The following MVB12B variants were observed in gnomAD, a reference collection of about 807,000 sequenced individuals.
The protein encoded by MVB12B is ESCRT-I complex subunit MVB12B.
MVB12B carries 16 observed loss-of-function variants against 41.6 expected under a neutral mutation model. The observed-to-expected ratio is 0.38, with a 90% CI of 0.26 to 0.58. The LOEUF is 0.58. Ranked by LOEUF, MVB12B falls within the 20% of genes least tolerant of loss-of-function variation. The pLI, the probability that MVB12B is intolerant of heterozygous loss-of-function variation, is 0.62. For synonymous variants in MVB12B, 133 were observed against 139.7 expected (o/e 0.95, Z 0.34); for missense variants, 274 against 380.2 (o/e 0.72, Z 2.32).
At chr9:126,495,253 G>T (rs1833807360) in intron 9 of MVB12B, among the ~76,000 whole-genome samples, 1 of 151,820 alleles carries the variant, frequency 6.6e-6, no homozygotes, top group Non-Finnish European at 1.5e-5. Context: ...TTATTCAGTG[G>T]CCAGGGCATC....
rs1352575788 is a variant in MVB12B, at chr9:126,385,267, C to T, written c.313-1295C>T. Among the ~76,000 whole-genome samples, 3 of 152,150 alleles carry T rather than the reference C, an allele frequency of 2.0e-5. No individual in the cohort carries two copies. The South Asian group carries it at 6.2e-4, about 32-fold the overall frequency. Reference sequence around the variant, plus strand: ...GCTAGGCTTGTATTTATAGTAGGAACAGAGATAGTTTTGGTCTTCATGGTT... The same window carrying T: ...GCTAGGCTTGTATTTATAGTAGGAATAGAGATAGTTTTGGTCTTCATGGTT... On this transcript the variant is annotated intron_variant, in intron 3 of 9. Coordinates refer to ENST00000361171, the MANE Select transcript of MVB12B (RefSeq NM_033446.3).
chr9:126,350,050 A>T (rs959813567), intron 2 of MVB12B, among the ~76,000 whole-genome samples: 2 of 152,200 alleles, frequency 1.3e-5, no homozygotes, highest in African/African-American at 2.4e-5. Flanking sequence ...GCATAGTGAT[A>T]ATTCATTTGG....
At chr9:126,329,175 G>T (rs1829061298) in intron 1 of MVB12B, among the ~76,000 whole-genome samples, 2 of 152,146 alleles carry the variant, frequency 1.3e-5, no homozygotes, top group Non-Finnish European at 2.9e-5. Flanking sequence ...TGACTCTCAG[G>T]CTACCTCCTG....
intron 6 of MVB12B, among the ~76,000 whole-genome samples, chr9:126,418,335 T>G (rs1831887480): frequency 6.6e-6 from 1 of 152,170 alleles, no homozygotes; most frequent in African/African-American, 2.4e-5. Context: ...GCCCCTTGAT[T>G]TCTCTGTTGT....
chr9:126,435,735 G>A (rs926533361), intron 7 of MVB12B, among the ~76,000 whole-genome samples: 30 of 150,802 alleles, frequency 2.0e-4, no homozygotes, highest in African/African-American at 7.1e-4. Flanking sequence ...GAAGTCCCCT[G>A]TCCCTGAGCT....
At chr9:126,383,698 G>A (rs1448442913) in intron 3 of MVB12B, among the ~76,000 whole-genome samples, 2 of 152,016 alleles carry the variant, frequency 1.3e-5, no homozygotes, top group African/African-American at 4.8e-5. Flanking sequence ...GAACAGATGG[G>A]GGAGGGGAGA....
At chr9:126,465,161 T>A (rs532039314) in intron 7 of MVB12B, among the ~76,000 whole-genome samples, 2 of 152,326 alleles carry the variant, frequency 1.3e-5, no homozygotes, top group African/African-American at 4.8e-5. Flanking sequence ...TTAGTGAGAT[T>A]TATACATTGC....
At chr9:126,378,611 T>G (rs1464106217) in intron 2 of MVB12B, among the ~76,000 whole-genome samples, 1 of 149,510 alleles carries the variant, frequency 6.7e-6, no homozygotes, top group South Asian at 2.1e-4. Context: ...CTCTCTCTCT[T>G]TCTCTCTCTC....
rs978238209 is a variant in MVB12B at position 126,333,529 on chromosome 9, C to T, written c.81+6519C>T. 8.5e-5 allele frequency among the ~76,000 whole-genome samples: 13 copies of T among 152,084 alleles called. No individual in the cohort carries two copies. The highest frequency in any genetic ancestry group is 1.9e-4 in the East Asian group (1 of 5,186). Reference sequence around the variant, plus strand: ...AAGCGATTCTTGTGCCTCACCCTCTCGAGTAGCTGGGATTACAGGCACCAC... The same window carrying T: ...AAGCGATTCTTGTGCCTCACCCTCTTGAGTAGCTGGGATTACAGGCACCAC... On this transcript the variant is annotated intron_variant, in intron 1 of 9. Transcript: ENST00000361171. The surrounding 1 kb of genome is among the most constrained non-coding windows in gnomAD (Gnocchi z 4.7).
intron 7 of MVB12B, among the ~76,000 whole-genome samples, chr9:126,439,301 G>A (rs2119134119): frequency 6.6e-6 from 1 of 151,958 alleles, no homozygotes; most frequent in African/African-American, 2.4e-5. Flanking sequence ...GGAGCTCACA[G>A]GGTCTGCTGG....
At chr9:126,499,878 G>C (rs928936549) in intron 9 of MVB12B, among the ~76,000 whole-genome samples, 3 of 148,510 alleles carry the variant, frequency 2.0e-5, no homozygotes, top group African/African-American at 7.4e-5. Context: ...CCGCGGGCCG[G>C]GAGAGAGGAG....
At chr9:126,482,368 G>A (rs550667734) in intron 8 of MVB12B, among the ~76,000 whole-genome samples, 1 of 152,254 alleles carries the variant, frequency 6.6e-6, no homozygotes. Context: ...CCCGGCTTGC[G>A]ATTTGACCTG....
chr9:126,429,203 T>C (rs970288984), intron 7 of MVB12B, among the ~76,000 whole-genome samples: 1 of 152,192 alleles, frequency 6.6e-6, no homozygotes, highest in Non-Finnish European at 1.5e-5. Context: ...TATCATCCCC[T>C]ATAAGAACCC....
In MVB12B at chr9:126,505,504, T is replaced by A. The variant is rs1320020984; in HGVS notation, c.*2241T>A. On this transcript the variant is annotated 3_prime_UTR_variant, in exon 10 of 10. Coordinates refer to ENST00000361171, the MANE Select transcript of MVB12B (RefSeq NM_033446.3). Reference sequence around the variant, plus strand: ...TAGCATTACGGACTTAGCATAAGAGTAAATGACTGTGAACGTTGTAGTAAA... The same window carrying A: ...TAGCATTACGGACTTAGCATAAGAGAAAATGACTGTGAACGTTGTAGTAAA... 1 of 152,078 alleles carries A rather than the reference T, an allele frequency of 6.6e-6. No individual in the cohort carries two copies. The highest frequency in any genetic ancestry group is 1.5e-5 in the Non-Finnish European group (1 of 68,028). 9.4% of individuals were successfully genotyped at this position (152,078 alleles called of 1,614,324 possible).
At chr9:126,411,837 C>G (rs774968025) in intron 6 of MVB12B, among the ~76,000 whole-genome samples, 1 of 152,214 alleles carries the variant, frequency 6.6e-6, no homozygotes, top group African/African-American at 2.4e-5. Flanking sequence ...TACAATATCT[C>G]CTCACATCTC....
Position 126,486,257 on chromosome 9 carries a change from C to T in MVB12B, c.873+2225C>T, listed in dbSNP as rs1833617170. On this transcript the variant is annotated intron_variant, in intron 9 of 9. Coordinates refer to ENST00000361171, the MANE Select transcript of MVB12B (RefSeq NM_033446.3). The surrounding 1 kb of genome is among the most constrained non-coding windows in gnomAD (Gnocchi z 4.7). Reference sequence around the variant, plus strand: ...AAACATAGGTGTGCATAAAATTTCACACCTGCCCTTCTCAAAGCAGGGGAG... The same window carrying T: ...AAACATAGGTGTGCATAAAATTTCATACCTGCCCTTCTCAAAGCAGGGGAG... Among the ~76,000 whole-genome samples, 1 of 152,078 alleles carries T rather than the reference C, an allele frequency of 6.6e-6. No individual in the cohort carries two copies. Among genetic ancestry groups the T allele is most frequent in the African/African-American group, 2.4e-5 (1 of 41,412 alleles).
chr9:126,341,355 G>A (rs1164465241), intron 2 of MVB12B, among the ~76,000 whole-genome samples: 1 of 152,214 alleles, frequency 6.6e-6, no homozygotes, highest in East Asian at 1.9e-4. Flanking sequence ...AAAGTACAGA[G>A]GAACGTTAGG....
chr9:126,418,456 GTC>G (rs1473257498), intron 6 of MVB12B, among the ~76,000 whole-genome samples: 2 of 152,178 alleles, frequency 1.3e-5, no homozygotes, highest in Non-Finnish European at 2.9e-5. Context: ...CAGGAATGAA[GTC>G]TCTGCACAAA....
In MVB12B at chr9:126,478,381, C is replaced by T. The variant is rs1833459600; in HGVS notation, c.758-2988C>T. 6.6e-6 allele frequency among the ~76,000 whole-genome samples: 1 copy of T among 152,144 alleles called. No individual in the cohort carries two copies. The highest frequency in any genetic ancestry group is 1.5e-5 in the Non-Finnish European group (1 of 68,024). The stretch of plus-strand genomic sequence containing the variant: ...GCATGGGAACAGCAGCCCTCCCTGT[C>T]CAGCACAGCCCCTGAGCCCCCAGGC... On this transcript the variant is annotated intron_variant, in intron 7 of 9. Transcript: ENST00000361171. The surrounding 1 kb of genome is among the most constrained non-coding windows in gnomAD (Gnocchi z 4.2).
Sources: gnomAD v4.1 joint callset for allele counts (sites outside exome capture counted in the v4.1 genomes callset) on GRCh38, gnomAD v4.1.1 for gene constraint, Gnocchi (gnomAD v3.1) non-coding constraint, MANE v1.5 for transcripts, NCBI Gene and HGNC (gene_info 2026-07-23, HGNC 2026-07-21) for gene names.